FMN1: variants seen among roughly 807,000 people sequenced by gnomAD.
FMN1 encodes the protein formin-1.
FMN1 carries 110 observed loss-of-function variants against 132.4 expected under a neutral mutation model. The observed-to-expected ratio is 0.83, with a 90% CI of 0.71 to 0.97. The LOEUF is 0.97. Among genes scored for constraint, FMN1 ranks in the 50% least tolerant of loss-of-function variants. FMN1 has a pLI of 0.00. For missense variants in FMN1, 1,792 were observed against 1,705.3 expected (o/e 1.05, Z -0.90); for synonymous variants, 722 against 651.7 (o/e 1.11, Z -1.64).
chr15:32,916,951 C>T (rs556484798), intron 10 of FMN1, among the ~76,000 whole-genome samples: 4 of 152,202 alleles, frequency 2.6e-5, no homozygotes, highest in African/African-American at 9.6e-5. Flanking sequence ...CTATATCCCA[C>T]AAAACTCTGA....
At chr15:32,792,112 G>A (rs2057102487) in intron 19 of FMN1, among the ~76,000 whole-genome samples, 4 of 152,082 alleles carry the variant, frequency 2.6e-5, no homozygotes, top group Middle Eastern at 3.4e-3. Context: ...CCTTCGCAGA[G>A]AGACCCAATA....
chr15:32,899,047 C>T (rs1180680961), intron 14 of FMN1, among the ~76,000 whole-genome samples, 154 bp from the exon 15 acceptor site: 5 of 152,182 alleles, frequency 3.3e-5, no homozygotes, highest in East Asian at 1.9e-4. Flanking sequence ...TGCTTTATCC[C>T]ATCCATTTAT....
intron 6 of FMN1, among the ~76,000 whole-genome samples, chr15:33,025,218 AAAG>A (rs569758429): frequency 6.6e-6 from 1 of 152,186 alleles, no homozygotes; most frequent in African/African-American, 2.4e-5. Flanking sequence ...CTATGAAGCA[AAAG>A]AAGCTGAGAG....
chr15:32,966,920 G>A (rs929707944), intron 8 of FMN1, among the ~76,000 whole-genome samples: 1 of 152,152 alleles, frequency 6.6e-6, no homozygotes, highest in Admixed American at 6.5e-5. Context: ...AGTGCTAATA[G>A]GTACAAAAAG....
chr15:32,957,605 G>C (rs1325884775), intron 9 of FMN1, among the ~76,000 whole-genome samples: 1 of 152,008 alleles, frequency 6.6e-6, no homozygotes, highest in African/African-American at 2.4e-5. Context: ...ATAGTTTTAG[G>C]AATTGACACA....
intron 3 of FMN1, among the ~76,000 whole-genome samples, 172 bp downstream of exon 3, chr15:33,180,026 T>C (rs1965641935): frequency 6.6e-6 from 1 of 152,180 alleles, no homozygotes; most frequent in South Asian, 2.1e-4. Flanking sequence ...ATCTGCTCTG[T>C]AGTACAGCAT....
rs61684500 is a variant in FMN1, at chr15:32,963,237, A to T, written c.3138+870T>A. On this transcript the variant is annotated intron_variant, in intron 9 of 20. Transcript: ENST00000616417. ...AAATCATCATTCTCAGTAAACTATC[A>T]CAAGAACAAAAAACCAAACACCGCA... is the stretch of plus-strand genomic sequence containing the variant. 9.8e-3 allele frequency among the ~76,000 whole-genome samples: 1,492 copies of T among 151,630 alleles called. 25 individuals carry two copies. Among genetic ancestry groups the T allele is most frequent in the African/African-American group, 0.035 (1,426 of 41,278 alleles).
At chr15:33,107,641 A>G (rs2039538003) in intron 4 of FMN1, among the ~76,000 whole-genome samples, 1 of 152,036 alleles carries the variant, frequency 6.6e-6, no homozygotes, top group Non-Finnish European at 1.5e-5. Context: ...TCTTCACATC[A>G]CTCAAGTTCA....
At chr15:32,962,675 G>A (rs1181495914) in intron 9 of FMN1, among the ~76,000 whole-genome samples, 2 of 148,542 alleles carry the variant, frequency 1.3e-5, no homozygotes, top group Non-Finnish European at 3.0e-5. Flanking sequence ...ATCAAAAAGT[G>A]GGCGAAGGAC....
intron 6 of FMN1, among the ~76,000 whole-genome samples, chr15:33,043,457 G>C (rs1225747432): frequency 1.3e-5 from 2 of 152,168 alleles, no homozygotes; most frequent in Non-Finnish European, 2.9e-5. Flanking sequence ...CTTGCCTTTT[G>C]CCGTCTATAA....
intron 12 of FMN1, among the ~76,000 whole-genome samples, chr15:32,903,823 G>GAT (rs1312019856): frequency 6.6e-6 from 1 of 152,208 alleles, no homozygotes; most frequent in Non-Finnish European, 1.5e-5. Context: ...GGCTCTCTAG[G>GAT]ATTAAAGCCT....
intron 6 of FMN1, among the ~76,000 whole-genome samples, chr15:33,014,163 T>C (rs926979677): frequency 2.0e-5 from 3 of 152,234 alleles, no homozygotes; most frequent in Non-Finnish European, 4.4e-5. Flanking sequence ...TGGTGAATGC[T>C]CACTTTGAGA....
chr15:32,790,863 C>T (rs1044131419), intron 19 of FMN1, among the ~76,000 whole-genome samples: 1 of 152,184 alleles, frequency 6.6e-6, no homozygotes, highest in African/African-American at 2.4e-5. Context: ...GAAAGATACA[C>T]ATAAACTGCT....
At chr15:33,113,601 T>C (rs1452874416) in intron 4 of FMN1, among the ~76,000 whole-genome samples, 2 of 152,242 alleles carry the variant, frequency 1.3e-5, no homozygotes, top group Non-Finnish European at 1.5e-5. Context: ...AATCATCCAG[T>C]GTCAGTATAC....
At chr15:32,894,867 C>T (rs1476524474) in intron 15 of FMN1, among the ~76,000 whole-genome samples, 11 of 147,666 alleles carry the variant, frequency 7.4e-5, no homozygotes, top group Non-Finnish European at 1.5e-4. Context: ...TTATATTTAT[C>T]TACTACATAT....
chr15:33,101,195 A>T (rs1312904236), intron 4 of FMN1, among the ~76,000 whole-genome samples: 1 of 152,182 alleles, frequency 6.6e-6, no homozygotes, highest in African/African-American at 2.4e-5. Flanking sequence ...AATCATCTGT[A>T]AATTGAAGCT....
intron 12 of FMN1, among the ~76,000 whole-genome samples, chr15:32,903,719 A>T (rs1355966133): frequency 6.6e-6 from 1 of 152,238 alleles, no homozygotes; most frequent in Non-Finnish European, 1.5e-5. Context: ...CCTATAACTA[A>T]TCTCAAAAGA....
At chr15:32,976,412 T>C (rs912642546) in intron 7 of FMN1, among the ~76,000 whole-genome samples, 4 of 152,214 alleles carry the variant, frequency 2.6e-5, no homozygotes, top group African/African-American at 9.6e-5. Flanking sequence ...CATACGAGTT[T>C]CTTCTGTTTT....
chr15:33,164,430 A>G (rs995578790), intron 3 of FMN1, among the ~76,000 whole-genome samples: 1 of 152,202 alleles, frequency 6.6e-6, no homozygotes, highest in Admixed American at 6.5e-5. Context: ...TTTCTGGCCA[A>G]AGTCACAGCT....
Sources: gnomAD v4.1 joint callset for allele counts (sites outside exome capture counted in the v4.1 genomes callset) on GRCh38, gnomAD v4.1.1 for gene constraint, MANE v1.5 for transcripts, NCBI Gene and HGNC (gene_info 2026-07-23, HGNC 2026-07-21) for gene names.